The following ITGB7 variants were observed in gnomAD, a reference collection of about 807,000 sequenced individuals.
The protein encoded by ITGB7 is integrin subunit beta 7.
A neutral mutation model predicts 83.4 loss-of-function variants in ITGB7; 55 were observed. That is an observed-to-expected ratio of 0.66 (90% CI 0.53 to 0.83). The LOEUF is 0.83. ITGB7 is among the 40% of genes least tolerant of loss of function. The probability of loss-of-function intolerance (pLI) is 0.00; values close to 1 mark genes in which losing one functional copy is unlikely to be tolerated. For missense variants in ITGB7, 921 were observed against 1,046.7 expected (o/e 0.88, Z 1.66); for synonymous variants, 454 against 423.6 (o/e 1.07, Z -0.88).
Position 53,198,016 on chromosome 12 carries a change from A to G in ITGB7, c.202-65T>C. On this transcript the variant is annotated intron_variant, in intron 3 of 15. Coordinates refer to ENST00000267082, the MANE Select transcript of ITGB7 (RefSeq NM_000889.3). ...ATAGGCCCTGGGCCCCGCTCCCAAA[A>G]ACACCCTGCAAACCCGGCCACCTCT... 4.4e-6 allele frequency: 6 copies of G among 1,366,466 alleles called. No individual in the cohort carries two copies. In the South Asian group the frequency reaches 7.8e-5, roughly 18 times the overall value. 84.6% of individuals were successfully genotyped at this position (1,366,466 alleles called of 1,614,324 possible).
In ITGB7 at chr12:53,193,795, G is replaced by T; in HGVS notation, c.1415C>A (p.Thr472Lys). 1 of 1,614,072 alleles carries T rather than the reference G, an allele frequency of 6.2e-7. No individual in the cohort carries two copies. The highest frequency in any genetic ancestry group is 8.5e-7 in the Non-Finnish European group (1 of 1,179,982). Residue 472 changes from threonine to lysine, a missense_variant, in exon 11 of 16, where the codon ACG becomes AAG. Thr to Lys is a moderately conservative substitution (Grantham distance 78). Coordinates refer to ENST00000267082, the MANE Select transcript of ITGB7 (RefSeq NM_000889.3). ...GTCACTGCAATTACAGTCACACAGC[G>T]TGTGCAACTCCACAATCAGCTCCTC... ...FSEELIVELHTLCDCNCSDTQ... is the reference protein window; with the variant it reads ...FSEELIVELHKLCDCNCSDTQ...
intron 10 of ITGB7, 139 bp downstream of exon 10, chr12:53,194,059 G>T: frequency 7.3e-7 from 1 of 1,379,218 alleles, no homozygotes; most frequent in Non-Finnish European, 1.0e-6. Context: ...CACTCAGACT[G>T]CTCCAGGAAG....
intron 2 of ITGB7, among the ~76,000 whole-genome samples, 157 bp downstream of exon 2, chr12:53,200,915 C>G (rs1235023344): frequency 6.7e-6 from 1 of 149,076 alleles, no homozygotes; most frequent in Non-Finnish European, 1.5e-5. Context: ...GGTGACAAAG[C>G]AAGAATCTGT....
rs1311578754 is a variant in ITGB7, at chr12:53,201,153, T to G, written c.-85A>C. The G allele has an allele frequency of 6.6e-6, 1 of 152,136 alleles. No individual in the cohort carries two copies. The highest frequency in any genetic ancestry group is 1.5e-5 in the Non-Finnish European group (1 of 68,038). 9.4% of individuals were successfully genotyped at this position (152,136 alleles called of 1,614,324 possible). A position where few individuals can be genotyped will look rare whatever the true frequency, so the allele number is the denominator to read the frequency against. ...TGCTGCTGCAGTCACTCACTGGCTG[T>G]GGGGCAAGTCAGACTTTCTCTCTGG... On this transcript the variant is annotated 5_prime_UTR_variant, in exon 2 of 16. Coordinates refer to ENST00000267082, the MANE Select transcript of ITGB7 (RefSeq NM_000889.3).
In ITGB7 at chr12:53,194,281, C is replaced by T. The variant is rs771135540; in HGVS notation, c.1225G>A (p.Glu409Lys). 47 of 1,613,768 alleles carry T rather than the reference C, an allele frequency of 2.9e-5. No individual in the cohort carries two copies. The highest frequency in any genetic ancestry group is 2.2e-4 in the Admixed American group (13 of 59,988). The change falls in exon 10 of 16, where the codon GAA becomes AAA. Residue 409 changes from glutamate (E) to lysine (K), a missense_variant. Glu to Lys is a moderately conservative substitution (Grantham distance 56, BLOSUM62 1). Transcript: ENST00000267082. ...SLPPGVHISY[E>K]SQCEGPEKRE... is the part of the protein sequence containing the mutation. ...TTCTCAGGACCCTCACACTGGGATTCGTAAGAAATGTGGACCCCAGGAGGG... is the reference window on the plus strand; with the variant it reads ...TTCTCAGGACCCTCACACTGGGATTTGTAAGAAATGTGGACCCCAGGAGGG...
At chr12:53,198,593 A>G (rs928967010) in intron 3 of ITGB7, among the ~76,000 whole-genome samples, 2 of 151,442 alleles carry the variant, frequency 1.3e-5, no homozygotes, top group African/African-American at 2.4e-5. Context: ...CCCACTTCCT[A>G]TAGCAGTCCC....
rs369713770 is a variant in ITGB7 at position 53,192,988 on chromosome 12, G to T, written c.1727-78C>A. On this transcript the variant is annotated intron_variant, in intron 12 of 15. Transcript: ENST00000267082. Reference sequence around the variant, plus strand: ...CCATCATGTGGCACGACAAGCCCACGCATCCAATCTTTTTGAAGTATGCCA... The same window carrying T: ...CCATCATGTGGCACGACAAGCCCACTCATCCAATCTTTTTGAAGTATGCCA... 2.9e-4 allele frequency: 429 copies of T among 1,455,436 alleles called. 9 individuals carry two copies. The South Asian group carries it at 4.9e-3, about 17-fold the overall frequency. 90.2% of individuals were successfully genotyped at this position (1,455,436 alleles called of 1,614,324 possible).
intron 3 of ITGB7, among the ~76,000 whole-genome samples, chr12:53,199,717 G>A (rs1325054793): frequency 8.3e-5 from 12 of 145,148 alleles, no homozygotes; most frequent in African/African-American, 2.5e-4. Flanking sequence ...AGGACACAGC[G>A]AGAAGGTAGC....
chr12:53,205,796 G>A (rs1452178125), intron 1 of ITGB7, among the ~76,000 whole-genome samples: 2 of 152,148 alleles, frequency 1.3e-5, no homozygotes, highest in African/African-American at 4.8e-5. Context: ...ACAGAGTGTG[G>A]GAAAGGGGTG....
intron 1 of ITGB7, among the ~76,000 whole-genome samples, chr12:53,206,358 TC>T: frequency 6.6e-6 from 1 of 152,058 alleles, no homozygotes; most frequent in Non-Finnish European, 1.5e-5. Context: ...AAACCTAAAT[TC>T]CATGAGGCCA....
At chr12:53,194,401 A>G (rs1361293682) in intron 9 of ITGB7, 57 bp from the exon 10 acceptor site, 4 of 1,559,742 alleles carry the variant, frequency 2.6e-6, no homozygotes, top group Admixed American at 3.6e-5. Flanking sequence ...CTCCAACCCC[A>G]CCTTATGTCC....
chr12:53,193,443 C>A, intron 11 of ITGB7, 80 bp from the exon 12 acceptor site: 1 of 1,060,232 alleles, frequency 9.4e-7, no homozygotes, highest in Non-Finnish European at 1.3e-6. Flanking sequence ...AACCTCTAAA[C>A]CCAAGTTCTC....
At chr12:53,193,978 C>T (rs1942066197) in intron 10 of ITGB7, 77 bp from the exon 11 acceptor site, 3 of 1,421,258 alleles carry the variant, frequency 2.1e-6, no homozygotes, top group Non-Finnish European at 2.9e-6. Context: ...TCATCCAGAA[C>T]CTCACCCCTT....
Position 53,197,797 on chromosome 12 carries a change from C to T in ITGB7, c.356G>A (p.Gly119Asp), listed in dbSNP as rs773793721. The T allele has an allele frequency of 6.5e-6, 10 of 1,549,720 alleles. No individual in the cohort carries two copies. Among genetic ancestry groups the T allele is most frequent in the East Asian group, 2.4e-5 (1 of 41,324 alleles). ...CCGCTGCGGCGCCAGCTGGGTGGCACCCTCTCCGCGGGCGCCCTGGCTGAG... is the reference window on the plus strand; with the variant it reads ...CCGCTGCGGCGCCAGCTGGGTGGCATCCTCTCCGCGGGCGCCCTGGCTGAG... The part of the protein sequence containing the change: ...QPLSQGARGE[G>D]ATQLAPQRVR... The change falls in exon 4 of 16, where the codon GGT (glycine) becomes GAT (aspartate). Residue 119 changes from glycine to aspartate, a missense_variant. Transcript: ENST00000267082.
Position 53,196,163 on chromosome 12 carries a change from C to T in ITGB7, c.853G>A (p.Val285Met). 1 of 1,614,186 alleles carries T rather than the reference C, an allele frequency of 6.2e-7. No individual in the cohort carries two copies. The highest frequency in any genetic ancestry group is 8.5e-7 in the Non-Finnish European group (1 of 1,180,020). The change falls in exon 7 of 16, where the codon GTG (valine) becomes ATG (methionine). Residue 285 changes from valine (V) to methionine (M), a missense_variant. Coordinates refer to ENST00000267082, the MANE Select transcript of ITGB7 (RefSeq NM_000889.3). ...IGWRNVSRLL[V>M]FTSDDTFHTA... ...TGGAATGTGTCGTCTGAAGTGAACA[C>T]CAGCAGCCGGGACACATTTCTCCAG...
At chr12:53,202,464 C>G (rs1365899370) in intron 1 of ITGB7, among the ~76,000 whole-genome samples, 1 of 152,078 alleles carries the variant, frequency 6.6e-6, no homozygotes, top group Non-Finnish European at 1.5e-5. Flanking sequence ...AAGCAATTCT[C>G]TGGCCTCAGG....
At chr12:53,206,454 G>A (rs1942445018) in intron 1 of ITGB7, among the ~76,000 whole-genome samples, 1 of 152,262 alleles carries the variant, frequency 6.6e-6, no homozygotes, top group East Asian at 1.9e-4. Flanking sequence ...CTCCAACCCA[G>A]GCACTATCTC....
intron 14 of ITGB7, 55 bp downstream of exon 14, chr12:53,192,275 A>G: frequency 6.4e-7 from 1 of 1,553,048 alleles, no homozygotes. Flanking sequence ...GCATCCCCAG[A>G]GTTGAGACCC....
intron 3 of ITGB7, 39 bp downstream of exon 3, chr12:53,200,204 C>G (rs769964426): frequency 3.9e-6 from 6 of 1,545,594 alleles, no homozygotes; most frequent in Non-Finnish European, 5.4e-6. Flanking sequence ...CATACACATA[C>G]ACATACACAT....
Sources: gnomAD v4.1 joint callset for allele counts (sites outside exome capture counted in the v4.1 genomes callset) on GRCh38, gnomAD v4.1.1 for gene constraint, MANE v1.5 for transcripts, NCBI Gene and HGNC (gene_info 2026-07-23, HGNC 2026-07-21) for gene names.